Variants in WLS observed in about 807,000 individuals in gnomAD.
WLS encodes the protein Wnt ligand secretion mediator.
Under a neutral mutation model 62.8 loss-of-function variants are expected in WLS, and 23 were observed. That is an observed-to-expected ratio of 0.37 (90% CI 0.26 to 0.52). The LOEUF (loss-of-function observed/expected upper bound fraction) is 0.52. Among genes scored for constraint, WLS ranks in the 20% least tolerant of loss-of-function variants. The probability of loss-of-function intolerance (pLI) is 0.92; values close to 1 mark genes in which losing one functional copy is unlikely to be tolerated. For missense variants in WLS, 615 were observed against 697.3 expected (o/e 0.88, Z 1.33); for synonymous variants, 246 against 244.1 (o/e 1.01, Z -0.07).
chr1:68,180,737 C>A (rs1461825228), intron 2 of WLS, among the ~76,000 whole-genome samples: 1 of 152,148 alleles, frequency 6.6e-6, no homozygotes, highest in African/African-American at 2.4e-5. Context: ...CTTTCTCTCT[C>A]AAACTGTCTT....
intron 2 of WLS, among the ~76,000 whole-genome samples, chr1:68,192,596 T>TA (rs911226110): frequency 2.7e-5 from 4 of 147,764 alleles, no homozygotes; most frequent in Non-Finnish European, 6.0e-5. Flanking sequence ...AAAAAAAGAA[T>TA]AAAAAATTAC....
chr1:68,179,765 T>C (rs1047292839), intron 2 of WLS, among the ~76,000 whole-genome samples: 7 of 152,232 alleles, frequency 4.6e-5, no homozygotes, highest in Non-Finnish European at 7.3e-5. Flanking sequence ...TTGCATCTGG[T>C]CTTCCCACTC....
Position 68,194,309 on chromosome 1 carries a change from G to A in WLS, c.107-82C>T. On this transcript the variant is annotated intron_variant, in intron 1 of 11. Transcript: ENST00000262348. ...TGGTTAATATTCTTTCCACTGCTGT[G>A]TTCCCTCCAGCTTTTGTATCGCCTT... 2.7e-6 allele frequency: 4 copies of A among 1,499,582 alleles called. No individual in the cohort carries two copies. The South Asian group carries it at 5.4e-5, about 20-fold the overall frequency. 92.9% of individuals were successfully genotyped at this position (1,499,582 alleles called of 1,614,324 possible). A position where few individuals can be genotyped will look rare whatever the true frequency, so the allele number is the denominator to read the frequency against.
At chr1:68,214,370 C>CT (rs11338686) in intron 1 of WLS, among the ~76,000 whole-genome samples, 3,644 of 148,390 alleles carry the variant, frequency 0.025, 53 homozygotes, top group Admixed American at 0.032. Flanking sequence ...CAACTTACTC[C>CT]TTTTTTTTTT....
intron 1 of WLS, among the ~76,000 whole-genome samples, chr1:68,203,853 A>T (rs2100633006): frequency 6.6e-6 from 1 of 152,332 alleles, no homozygotes; most frequent in South Asian, 2.1e-4. Flanking sequence ...TGGGTTCCTC[A>T]ACCATGGAAA....
intron 11 of WLS, among the ~76,000 whole-genome samples, chr1:68,100,032 G>A (rs902540665): frequency 3.3e-5 from 5 of 152,292 alleles, no homozygotes; most frequent in East Asian, 3.9e-4. Context: ...TGCCAAATAA[G>A]CAGAAAAAGT....
chr1:68,172,311 T>TA (rs1553131588), intron 2 of WLS, among the ~76,000 whole-genome samples: 31,548 of 148,056 alleles, frequency 0.21, 3,619 homozygotes, highest in African/African-American at 0.31. Context: ...AAAGTATAAT[T>TA]AAAAAAAAAA....
chr1:68,133,116 G>A (rs2100407694), intron 11 of WLS, among the ~76,000 whole-genome samples: 1 of 152,154 alleles, frequency 6.6e-6, no homozygotes, highest in Non-Finnish European at 1.5e-5. Context: ...TTGAAGGAAA[G>A]GTAACTAAAA....
chr1:68,109,275 CAAAT>C (rs978586537), intron 11 of WLS, among the ~76,000 whole-genome samples: 9 of 152,232 alleles, frequency 5.9e-5, no homozygotes, highest in African/African-American at 2.2e-4. Context: ...TCAACAAAAA[CAAAT>C]CTCTCTGGAG....
At position 68,137,919 on chromosome 1, in the gene WLS, A is replaced by G. The variant is rs558440498; in HGVS notation, c.1377T>C (p.His459=). 1.4e-5 allele frequency: 22 copies of G among 1,613,788 alleles called. No individual in the cohort carries two copies. The highest frequency in any genetic ancestry group is 1.7e-5 in the Non-Finnish European group (20 of 1,179,868). The change falls in exon 11 of 12, where the codon CAT becomes CAC. Residue 459 remains histidine (H), a synonymous_variant. Transcript: ENST00000262348. ...GGACTGTGACGCCGCCCCATTTCCA[A>G]TGGCCTTCCGTTACCTGCGGAGAAA... ...FFIVSQVTEG[H]WKWGGVTVQV... is the part of the protein sequence containing the mutation.
chr1:68,170,174 T>C lies in WLS; in HGVS notation c.380-10927A>G, dbSNP rs1293195296. Among the ~76,000 whole-genome samples the C allele has an allele frequency of 6.0e-3, 879 of 146,962 alleles. 18 individuals carry two copies. Among genetic ancestry groups the C allele is most frequent in the African/African-American group, 0.021 (837 of 39,844 alleles). Reference sequence around the variant, plus strand: ...GGCTACTATTTCTTTTTTTTTTTTTTTTTTTTTTGAGATGGAGTTTCGCTC... The same window carrying C: ...GGCTACTATTTCTTTTTTTTTTTTTCTTTTTTTTGAGATGGAGTTTCGCTC... On this transcript the variant is annotated intron_variant, in intron 2 of 11. Transcript: ENST00000262348.
Position 68,232,175 on chromosome 1 carries a change from T to G in WLS, c.106+19A>C, listed in dbSNP as rs775813749. 9 of 1,613,618 alleles carry G rather than the reference T, an allele frequency of 5.6e-6. No individual in the cohort carries two copies. Among genetic ancestry groups the G allele is most frequent in the South Asian group, 1.1e-5 (1 of 91,036 alleles). ...GAAAAGACAGAAAGGGGGAAAAGTT[T>G]GCAGCTCTCCGCACTTACCAATCAA... is the stretch of plus-strand genomic sequence containing the variant. On this transcript the variant is annotated intron_variant, in intron 1 of 11. Transcript: ENST00000262348.
chr1:68,125,560 T>G lies in WLS; in HGVS notation c.*666A>C, dbSNP rs1273838468. On this transcript the variant is annotated 3_prime_UTR_variant, in exon 12 of 12. Transcript: ENST00000262348. ...TCTTACTTGGGTAGTTTAGCAAACA[T>G]TTTTTAAAACCCACATCCAACAGAT... 12 of 985,246 alleles carry G rather than the reference T, an allele frequency of 1.2e-5. No individual in the cohort carries two copies. The highest frequency in any genetic ancestry group is 6.1e-5 in the Admixed American group (1 of 16,276). The allele number at this position is 985,246 out of a possible 1,614,324, so 61.0% of individuals were successfully genotyped here. A position where few individuals can be genotyped will look rare whatever the true frequency, so the allele number is the denominator to read the frequency against.
rs1027369980 is a variant in WLS, at chr1:68,150,115, G to C, written c.972+73C>G. On this transcript the variant is annotated intron_variant, in intron 6 of 11. Coordinates refer to ENST00000262348, the MANE Select transcript of WLS (RefSeq NM_024911.7). ...CACCCACTGCTGACTAGAGGCAAAG[G>C]GGGGCAGGTGTCAGCTTGGCAGCCT... is the stretch of plus-strand genomic sequence containing the variant. The C allele has an allele frequency of 1.3e-5, 20 of 1,508,232 alleles. No individual in the cohort carries two copies. In the African/African-American group the frequency reaches 1.8e-4, roughly 14 times the overall value. The allele number at this position is 1,508,232 out of a possible 1,614,324, so 93.4% of individuals were successfully genotyped here.
intron 11 of WLS, among the ~76,000 whole-genome samples, chr1:68,111,441 T>C (rs1267979976): frequency 6.6e-6 from 1 of 152,204 alleles, no homozygotes; most frequent in African/African-American, 2.4e-5. Context: ...TGCTGTCTTT[T>C]CTGTAGAGAG....
intron 11 of WLS, among the ~76,000 whole-genome samples, chr1:68,104,193 TAA>T (rs61472446): frequency 6.7e-6 from 1 of 149,368 alleles, no homozygotes; most frequent in Non-Finnish European, 1.5e-5. Flanking sequence ...GTTTGTGATT[TAA>T]AAAAAAAAGC....
intron 10 of WLS, 46 bp from the exon 11 acceptor site, chr1:68,137,979 A>G (rs1646635259): frequency 1.9e-6 from 3 of 1,608,184 alleles, no homozygotes; most frequent in Non-Finnish European, 2.5e-6. Context: ...GAGAAGAAAC[A>G]GAAGAAACAT....
At position 68,144,609 on chromosome 1, in the gene WLS, G is replaced by A. The variant is rs1222493713; in HGVS notation, c.1322C>T (p.Ala441Val). ...GAAGATGACAGTCATGGCAGCGCAG[G>A]CCAAGGTGATAAGCATGAGGAACTT... ...RFKFLMLITL[A>V]CAAMTVIFFI... The change falls in exon 10 of 12, where the codon GCC (alanine) becomes GTC (valine). Residue 441 changes from alanine (A) to valine (V), a missense_variant. Coordinates refer to ENST00000262348, the MANE Select transcript of WLS (RefSeq NM_024911.7). The A allele has an allele frequency of 6.2e-7, 1 of 1,613,710 alleles. No homozygotes were observed. The highest frequency in any genetic ancestry group is 8.5e-7 in the Non-Finnish European group (1 of 1,179,738).
intron 11 of WLS, among the ~76,000 whole-genome samples, chr1:68,110,061 GA>G (rs1464063356): frequency 7.4e-6 from 1 of 134,474 alleles, no homozygotes; most frequent in Non-Finnish European, 1.6e-5. Flanking sequence ...AAATTAGTAG[GA>G]ATTAAAGATA....
Sources: gnomAD v4.1 joint callset for allele counts (sites outside exome capture counted in the v4.1 genomes callset) on GRCh38, gnomAD v4.1.1 for gene constraint, MANE v1.5 for transcripts, NCBI Gene and HGNC (gene_info 2026-07-23, HGNC 2026-07-21) for gene names.